The following SPART variants were observed in gnomAD, a reference collection of about 807,000 sequenced individuals.
The protein encoded by SPART is spartin.
In SPART, 35 loss-of-function variants were observed where a neutral mutation model predicts 58.7. The observed-to-expected ratio is 0.60, with a 90% confidence interval of 0.46 to 0.79. The LOEUF is 0.79. SPART is among the 30% of genes least tolerant of loss of function. The pLI is 0.00. For missense variants in SPART, 730 were observed against 786.1 expected, an observed-to-expected ratio of 0.93 and a Z score of 0.85; for synonymous variants, 284 against 280.7, an observed-to-expected ratio of 1.01 and a Z score of -0.12.
chr13:36,344,074 A>G (rs1201948235), intron 1 of SPART, among the ~76,000 whole-genome samples: 1 of 151,916 alleles, frequency 6.6e-6, no homozygotes, highest in Non-Finnish European at 1.5e-5. Context: ...AGAAAAATGA[A>G]AATGAAAATT....
intron 2 of SPART, among the ~76,000 whole-genome samples, chr13:36,333,760 A>G (rs957580790): frequency 6.6e-6 from 1 of 152,152 alleles, no homozygotes; most frequent in Non-Finnish European, 1.5e-5. Flanking sequence ...CCATCATTAC[A>G]GTGCAACACT....
At chr13:36,333,372 A>T (rs2137532931) in intron 2 of SPART, among the ~76,000 whole-genome samples, 1 of 152,106 alleles carries the variant, frequency 6.6e-6, no homozygotes, top group Non-Finnish European at 1.5e-5. Context: ...TGATTTTAAC[A>T]GTGATTTTTA....
chr13:36,323,362 C>G (rs1882606048), intron 5 of SPART, among the ~76,000 whole-genome samples: 1 of 152,184 alleles, frequency 6.6e-6, no homozygotes, highest in Non-Finnish European at 1.5e-5. Flanking sequence ...AATTAGCTTA[C>G]TAGGCTCTAC....
chr13:36,335,915 A>G (rs752908710), intron 1 of SPART, 83 bp from the exon 2 acceptor site: 40 of 1,115,844 alleles, frequency 3.6e-5, no homozygotes, highest in Non-Finnish European at 5.1e-5. Flanking sequence ...ATATATTTTA[A>G]GAGGACAAGT....
Position 36,304,015 on chromosome 13 carries a change from C to T in SPART, c.*350G>A. ...AATTTTTAAGCAAATATATAGTTTC[C>T]TATTTGCCTTCTGAAAGACAGCAGA... On this transcript the variant is annotated 3_prime_UTR_variant, in exon 9 of 9. Transcript: ENST00000438666. 1 of 255,030 alleles carries T rather than the reference C, an allele frequency of 3.9e-6. No individual in the cohort carries two copies. The highest frequency in any genetic ancestry group is 5.5e-5 in the South Asian group (1 of 18,078). The allele number at this position is 255,030 out of a possible 1,614,324, so 15.8% of individuals were successfully genotyped here. A position where few individuals can be genotyped will look rare whatever the true frequency, so the allele number is the denominator to read the frequency against.
At chr13:36,352,464 T>G (rs924323995) in intron 1 of SPART, among the ~76,000 whole-genome samples, 10 of 152,170 alleles carry the variant, frequency 6.6e-5, no homozygotes, top group Admixed American at 4.6e-4. Flanking sequence ...ACCAAAATTC[T>G]TCTAATAACT....
At chr13:36,340,438 C>T (rs1035058659) in intron 1 of SPART, among the ~76,000 whole-genome samples, 1 of 151,706 alleles carries the variant, frequency 6.6e-6, no homozygotes, top group African/African-American at 2.4e-5. Flanking sequence ...TTTTAGAACA[C>T]TAAGCTCAAA....
At chr13:36,348,524 C>T (rs1341933654), upstream of SPART, among the ~76,000 whole-genome samples, 1 of 152,120 alleles carries the variant, frequency 6.6e-6, no homozygotes, top group Admixed American at 6.5e-5. Context: ...TTCAGGACAA[C>T]AGGTCAACAT....
intron 8 of SPART, among the ~76,000 whole-genome samples, chr13:36,307,332 C>G (rs1319453458): frequency 1.3e-5 from 2 of 152,054 alleles, no homozygotes; most frequent in African/African-American, 4.8e-5. Flanking sequence ...TTCAGTTATA[C>G]AAAACTGGTT....
intron 1 of SPART, among the ~76,000 whole-genome samples, chr13:36,368,932 G>T (rs1182425277): frequency 6.6e-6 from 1 of 152,210 alleles, no homozygotes; most frequent in Non-Finnish European, 1.5e-5. Context: ...CCAGGAGGCG[G>T]AGGTTTCAGT....
intron 5 of SPART, among the ~76,000 whole-genome samples, chr13:36,316,738 T>C (rs905549092): frequency 6.6e-6 from 1 of 152,210 alleles, no homozygotes; most frequent in Non-Finnish European, 1.5e-5. Context: ...ACACAAAGCC[T>C]GTTTGGTGGT....
chr13:36,368,784 A>G (rs1043578943), intron 1 of SPART, among the ~76,000 whole-genome samples: 5 of 152,188 alleles, frequency 3.3e-5, no homozygotes, highest in African/African-American at 1.2e-4. Flanking sequence ...TGGGCTGTTC[A>G]TGATCTGGAG....
chr13:36,335,246 T>A lies in SPART; in HGVS notation c.585A>T (p.Ser195=). The A allele has an allele frequency of 6.2e-7, 1 of 1,614,128 alleles. No individual in the cohort carries two copies. The highest frequency in any genetic ancestry group is 8.5e-7 in the Non-Finnish European group (1 of 1,180,020). ...TCCTATAAAACTCCTCTCCAACTGA[T>A]GAAAACTCCCCAGAATCTGTTCCAT... The part of the protein sequence containing the change: ...VSYGTDSGEF[S]SVGEEFYRNH... The change falls in exon 2 of 9, where the codon TCA becomes TCT. Residue 195 remains serine, a synonymous_variant. Coordinates refer to ENST00000438666, the MANE Select transcript of SPART (RefSeq NM_015087.5).
intron 2 of SPART, 112 bp downstream of exon 2, chr13:36,334,906 AAGT>A: frequency 1.2e-6 from 1 of 815,816 alleles, no homozygotes; most frequent in South Asian, 1.6e-5. Context: ...TTTAAAAACA[AAGT>A]AGAATTTGTC....
chr13:36,348,672 TACA>T (rs1426211613), upstream of SPART, among the ~76,000 whole-genome samples: 7 of 152,166 alleles, frequency 4.6e-5, 1 homozygote, highest in Admixed American at 4.6e-4. Flanking sequence ...CTGAAGACCA[TACA>T]ACATTGCTGA....
At chr13:36,311,165 G>A (rs1408584779) in intron 8 of SPART, among the ~76,000 whole-genome samples, 1 of 152,188 alleles carries the variant, frequency 6.6e-6, no homozygotes, top group East Asian at 1.9e-4. Flanking sequence ...CTGGTCATGG[G>A]TGTGCCAGGA....
intron 8 of SPART, among the ~76,000 whole-genome samples, chr13:36,311,516 G>GT (rs1043963558): frequency 2.6e-5 from 4 of 152,076 alleles, no homozygotes; most frequent in African/African-American, 9.7e-5. Context: ...TATAATTCAA[G>GT]TTTTTTCAGG....
At chr13:36,359,930 A>AAAAAC (rs1555266100) in intron 1 of SPART, among the ~76,000 whole-genome samples, 28 of 151,092 alleles carry the variant, frequency 1.9e-4, no homozygotes, top group African/African-American at 6.6e-4. Flanking sequence ...ATTTAAAAAA[A>AAAAAC]AAAAAAAAAA....
chr13:36,366,645 T>C (rs1298952025), intron 1 of SPART, among the ~76,000 whole-genome samples: 1 of 152,186 alleles, frequency 6.6e-6, no homozygotes, highest in Non-Finnish European at 1.5e-5. Context: ...TACATGCATT[T>C]ATAAAAATCT....
Sources: gnomAD v4.1 joint callset for allele counts (sites outside exome capture counted in the v4.1 genomes callset) on GRCh38, gnomAD v4.1.1 for gene constraint, MANE v1.5 for transcripts, NCBI Gene and HGNC (gene_info 2026-07-23, HGNC 2026-07-21) for gene names.